The following NLRP4 variants were observed in gnomAD, a reference collection of about 807,000 sequenced individuals.
NLRP4 encodes the protein NLR family pyrin domain containing 4, also known as NACHT, LRR and PYD domains-containing protein 4.
A neutral mutation model predicts 84.7 loss-of-function variants in NLRP4; 44 were observed. The ratio of observed to expected loss-of-function variants is 0.52; its 90% CI spans 0.41 to 0.67. The LOEUF (loss-of-function observed/expected upper bound fraction) is 0.67, where lower values mean the gene tolerates loss of function less well. Among genes scored for constraint, NLRP4 ranks in the 30% least tolerant of loss-of-function variants. The pLI, the probability that NLRP4 is intolerant of heterozygous loss-of-function variation, is 0.00. For synonymous variants in NLRP4, 544 were observed against 476.4 expected, an observed-to-expected ratio of 1.14 and a Z score of -1.85; for missense variants, 1,260 against 1,219.4, an observed-to-expected ratio of 1.03 and a Z score of -0.50.
intron 1 of NLRP4, among the ~76,000 whole-genome samples, chr19:55,840,681 A>C (rs1306331542): frequency 6.6e-6 from 1 of 152,226 alleles, no homozygotes; most frequent in African/African-American, 2.4e-5. Context: ...TATAGGCGTG[A>C]GCCACAGCAC....
chr19:55,861,313 A>T, intron 3 of NLRP4, 73 bp from the exon 4 acceptor site: 1 of 1,254,928 alleles, frequency 8.0e-7, no homozygotes, highest in South Asian at 1.3e-5. Flanking sequence ...AAGACAGCGT[A>T]GTGCGTATAT....
chr19:55,874,581 T>C (rs1268546128), intron 7 of NLRP4, among the ~76,000 whole-genome samples: 2 of 152,160 alleles, frequency 1.3e-5, no homozygotes, highest in Non-Finnish European at 2.9e-5. Context: ...CTAAATGTAC[T>C]CAAGACAAAA....
At chr19:55,853,749 TTC>T (rs1208137088) in intron 2 of NLRP4, among the ~76,000 whole-genome samples, 1 of 137,440 alleles carries the variant, frequency 7.3e-6, no homozygotes, top group Non-Finnish European at 1.5e-5. Context: ...TCCTTTTTCT[TTC>T]TCTTTCTCTT....
In NLRP4 at chr19:55,850,053, A is replaced by AATTACCGTG. The variant is rs1983999275; in HGVS notation, c.-65-1963_-65-1962insATTACCGTG. 2.6e-5 allele frequency among the ~76,000 whole-genome samples: 2 copies of AATTACCGTG among 78,172 alleles called. 1 individual carries two copies. The highest frequency in any genetic ancestry group is 1.9e-4 in the African/African-American group (2 of 10,418). 51.3% of individuals were successfully genotyped at this position (78,172 alleles called of 152,430 possible). ...TCCGAGACTGCGGTGTGATTTCCGT[A>AATTACCGTG]GCTGCGGTGGAATTTCCGAGACTGC... On this transcript the variant is annotated intron_variant, in intron 1 of 9. Coordinates refer to ENST00000301295, the MANE Select transcript of NLRP4 (RefSeq NM_134444.5).
At chr19:55,853,745 T>TTCTTTC (rs796364932) in intron 2 of NLRP4, among the ~76,000 whole-genome samples, 64 of 135,986 alleles carry the variant, frequency 4.7e-4, no homozygotes, top group Middle Eastern at 3.6e-3. Context: ...CTTTTCCTTT[T>TTCTTTC]TCTTTCTCTT....
intron 7 of NLRP4, among the ~76,000 whole-genome samples, chr19:55,876,112 C>G (rs984470609): frequency 2.0e-5 from 3 of 152,150 alleles, no homozygotes; most frequent in African/African-American, 7.2e-5. Flanking sequence ...GCATGAGATT[C>G]ACACAGGGAT....
At chr19:55,851,060 G>A (rs1984108914) in intron 1 of NLRP4, among the ~76,000 whole-genome samples, 1 of 131,332 alleles carries the variant, frequency 7.6e-6, no homozygotes, top group Non-Finnish European at 1.5e-5. Context: ...CGAGGCTGCG[G>A]TGTAATGTCC....
chr19:55,860,402 C>G (rs2123038880), intron 3 of NLRP4, among the ~76,000 whole-genome samples: 1 of 152,262 alleles, frequency 6.6e-6, no homozygotes, highest in South Asian at 2.1e-4. Flanking sequence ...TAGCAGGACC[C>G]CACTTCTACA....
At chr19:55,849,759 ATG>A (rs1983940158) in intron 1 of NLRP4, among the ~76,000 whole-genome samples, 1 of 144,578 alleles carries the variant, frequency 6.9e-6, no homozygotes, top group Non-Finnish European at 1.5e-5. Context: ...AAAAGTAAAA[ATG>A]TAATTTCTGT....
chr19:55,856,766 G>T (rs1011401723), intron 2 of NLRP4, among the ~76,000 whole-genome samples: 8 of 151,808 alleles, frequency 5.3e-5, no homozygotes, highest in Non-Finnish European at 1.0e-4. Context: ...TGCCCACCTT[G>T]GCCTCCCAAA....
intron 1 of NLRP4, among the ~76,000 whole-genome samples, chr19:55,850,970 C>T (rs1268664587): frequency 7.1e-5 from 8 of 112,434 alleles, no homozygotes; most frequent in Non-Finnish European, 1.3e-4. Flanking sequence ...GTGTAATGTC[C>T]GTGGCTGCGG....
chr19:55,880,477 T>C (rs1985545278), intron 9 of NLRP4, among the ~76,000 whole-genome samples: 1 of 152,208 alleles, frequency 6.6e-6, no homozygotes, highest in South Asian at 2.1e-4. Context: ...GGATGATTAT[T>C]TGGCATGGTA....
rs1397827140 is a variant in NLRP4 at position 55,858,691 on chromosome 19, TGGGCACCAA to T, written c.1300_1308del (p.Gly434_Lys436del). On this transcript the variant is annotated inframe_deletion, in exon 3 of 10. Transcript: ENST00000301295. This position sits in a 1 kb window ranked among gnomAD's most constrained non-coding sequence, Gnocchi z 4.2. ...GTTGACGCTGACATCCCTGCGCTGC[TGGGCACCAA>T]GATACTTCTGAAGTACGGGGAGCGT... 6.2e-7 allele frequency: 1 copy of T among 1,614,040 alleles called. No individual in the cohort carries two copies. Among genetic ancestry groups the T allele is most frequent in the Non-Finnish European group, 8.5e-7 (1 of 1,179,914 alleles).
intron 2 of NLRP4, among the ~76,000 whole-genome samples, chr19:55,853,953 CTCTA>C (rs1984305367): frequency 1.5e-5 from 2 of 131,930 alleles, no homozygotes; most frequent in African/African-American, 7.3e-5. Context: ...CTGTCTTTCT[CTCTA>C]TTTCTCTCTT....
chr19:55,872,587 ATAG>A (rs1985226675), intron 7 of NLRP4, among the ~76,000 whole-genome samples: 2 of 152,208 alleles, frequency 1.3e-5, no homozygotes, highest in African/African-American at 4.8e-5. Flanking sequence ...TATGGGGTGA[ATAG>A]TAGATTAGAC....
rs367720776 is a variant in NLRP4 at position 55,859,015 on chromosome 19, G to C, written c.1622G>C (p.Arg541Pro). The C allele has an allele frequency of 6.2e-7, 1 of 1,614,162 alleles. No individual in the cohort carries two copies. Among genetic ancestry groups the C allele is most frequent in the Non-Finnish European group, 8.5e-7 (1 of 1,180,028 alleles). ...CAGTGCCTGAAGAGCTTAGGGGAGCGTGGCAATCCTCAGGGACAGGTGGAT... is the reference window on the plus strand; with the variant it reads ...CAGTGCCTGAAGAGCTTAGGGGAGCCTGGCAATCCTCAGGGACAGGTGGAT... ...IHQCLKSLGE[R>P]GNPQGQVDSL... The change falls in exon 3 of 10, where the codon CGT becomes CCT. Residue 541 changes from arginine to proline, a missense_variant. Physicochemically the swap from Arg to Pro is moderately radical, Grantham distance 103. Coordinates refer to ENST00000301295, the MANE Select transcript of NLRP4 (RefSeq NM_134444.5).
intron 3 of NLRP4, among the ~76,000 whole-genome samples, chr19:55,861,126 G>A (rs569589716): frequency 1.1e-3 from 163 of 152,172 alleles, no homozygotes; most frequent in Admixed American, 2.0e-3. Flanking sequence ...CTCACTAGAT[G>A]CCAGAAGCAC....
chr19:55,852,206 T>A lies in NLRP4; in HGVS notation c.126T>A (p.Ile42=). Residue 42 remains isoleucine, a synonymous_variant, in exon 2 of 10, where the codon ATT becomes ATA. Coordinates refer to ENST00000301295, the MANE Select transcript of NLRP4 (RefSeq NM_134444.5). ...QMTLQLELKQ[I]PWTEVKKASR... ...CTTTGCAGCTTGAACTCAAGCAGAT[T>A]CCCTGGACTGAGGTCAAAAAAGCAT... The A allele has an allele frequency of 1.2e-6, 2 of 1,609,008 alleles. No individual in the cohort carries two copies. Among genetic ancestry groups the A allele is most frequent in the Non-Finnish European group, 1.7e-6 (2 of 1,178,874 alleles).
chr19:55,845,641 C>T lies in NLRP4; in HGVS notation c.-65-6375C>T, dbSNP rs1480841443. 3.3e-5 allele frequency among the ~76,000 whole-genome samples: 5 copies of T among 151,888 alleles called. No individual in the cohort carries two copies. In the South Asian group the frequency reaches 1.0e-3, roughly 32 times the overall value. On this transcript the variant is annotated intron_variant, in intron 1 of 9. Transcript: ENST00000301295. ...TGGTTGAACTAGTTTACAGTCCCAC[C>T]AACAGTGTAAAAGTGTTCCTATTTC... is the stretch of plus-strand genomic sequence containing the variant.
Sources: allele counts gnomAD v4.1 joint callset (sites outside exome capture counted in the v4.1 genomes callset), GRCh38; gene constraint gnomAD v4.1.1; non-coding constraint Gnocchi (gnomAD v3.1); transcripts MANE v1.5; gene names NCBI Gene and HGNC (gene_info 2026-07-23, HGNC 2026-07-21).